The following RGL1 variants were observed in gnomAD, a reference collection of about 807,000 sequenced individuals.
RGL1 encodes the protein ral guanine nucleotide dissociation stimulator like 1, also known as ral guanine nucleotide dissociation stimulator-like 1.
In RGL1, 24 loss-of-function variants were observed where a neutral mutation model predicts 95.2. The observed-to-expected ratio is 0.25, with a 90% CI of 0.18 to 0.35. RGL1 has a LOEUF of 0.35. RGL1 is among the 10% of genes least tolerant of loss of function. RGL1 has a pLI of 1.00. For missense variants in RGL1, 715 were observed against 936.3 expected (o/e 0.76, Z 3.08); for synonymous variants, 329 against 344.9 (o/e 0.95, Z 0.51).
Position 183,865,996 on chromosome 1 carries a change from G to A in RGL1, c.348G>A (p.Arg116=), listed in dbSNP as rs201264157. ...TKEVLELLLD[R]YGNLTSPNCE... The stretch of plus-strand genomic sequence containing the variant: ...TGCTTGTTCATTATTATCTCTACAG[G>A]TATGGAAACCTGACAAGCCCAAACT... The change falls in exon 4 of 18, where the codon AGG becomes AGA. Residue 116 remains arginine, a splice_region_variant and synonymous_variant. Coordinates refer to ENST00000360851, the MANE Select transcript of RGL1 (RefSeq NM_001297671.3). 7.4e-5 allele frequency: 120 copies of A among 1,611,894 alleles called. No homozygotes were observed. The highest frequency in any genetic ancestry group is 9.3e-5 in the Non-Finnish European group (110 of 1,178,192).
At chr1:183,802,652 A>G (rs1369513441), upstream of RGL1, among the ~76,000 whole-genome samples, 1 of 151,426 alleles carries the variant, frequency 6.6e-6, no homozygotes, top group African/African-American at 2.4e-5. Flanking sequence ...AATTCAGTCA[A>G]TTGCAAAATA....
intron 7 of RGL1, among the ~76,000 whole-genome samples, chr1:183,887,093 C>T (rs1286233481): frequency 2.6e-5 from 4 of 151,398 alleles, no homozygotes; most frequent in Admixed American, 2.0e-4. Context: ...TTTGTTGAAC[C>T]ATGCTCCCAT....
chr1:183,830,684 GA>G (rs35154519), intron 2 of RGL1, among the ~76,000 whole-genome samples: 1 of 150,454 alleles, frequency 6.6e-6, no homozygotes, highest in African/African-American at 2.4e-5. Flanking sequence ...GAATTCTGGA[GA>G]AAAAAAAACC....
chr1:183,811,825 A>C (rs1191370811), intron 2 of RGL1, among the ~76,000 whole-genome samples: 1 of 152,256 alleles, frequency 6.6e-6, no homozygotes, highest in Non-Finnish European at 1.5e-5. Context: ...AATGGCATAA[A>C]TATAAGAGGC....
At chr1:183,694,663 T>A (rs1416424474) in intron 1 of RGL1, among the ~76,000 whole-genome samples, 1 of 152,232 alleles carries the variant, frequency 6.6e-6, no homozygotes, top group East Asian at 1.9e-4. Context: ...TACCATCTGA[T>A]TTATATGTTC....
chr1:183,840,960 C>T (rs1380339106), intron 2 of RGL1, among the ~76,000 whole-genome samples: 2 of 110,438 alleles, frequency 1.8e-5, no homozygotes, highest in Non-Finnish European at 3.8e-5. Context: ...TCTGACACCT[C>T]CTTTACACTG....
At chr1:183,669,673 T>A (rs1652305187) in intron 1 of RGL1, among the ~76,000 whole-genome samples, 1 of 152,194 alleles carries the variant, frequency 6.6e-6, no homozygotes, top group Non-Finnish European at 1.5e-5. Context: ...GAAGGGGAAG[T>A]GTATTAGTTC....
chr1:183,926,110 G>C lies in RGL1; in HGVS notation c.2125G>C (p.Val709Leu). The C allele has an allele frequency of 2.5e-6, 4 of 1,612,966 alleles. No individual in the cohort carries two copies. The highest frequency in any genetic ancestry group is 3.4e-6 in the Non-Finnish European group (4 of 1,179,420). ...VQVISEDKEL[V>L]IPDSANVFYA... ...TCTTTCCTTATCTTTTTCAGAACTTGTGATTCCAGACTCAGCAAATGTCTT... is the reference window on the plus strand; with the variant it reads ...TCTTTCCTTATCTTTTTCAGAACTTCTGATTCCAGACTCAGCAAATGTCTT... The change falls in exon 18 of 18, where the codon GTG becomes CTG. Residue 709 changes from valine to leucine, a missense_variant. Around this residue, in one of 3 missense-constraint regions of RGL1, gnomAD observed 330 missense variants for 429.6 expected, o/e 0.77. Coordinates refer to ENST00000360851, the MANE Select transcript of RGL1 (RefSeq NM_001297671.3).
chr1:183,887,034 T>C (rs2102655454), intron 7 of RGL1, among the ~76,000 whole-genome samples: 1 of 151,942 alleles, frequency 6.6e-6, no homozygotes, highest in Middle Eastern at 3.4e-3. Context: ...CCTGAGTTCC[T>C]TTTTTTATTG....
chr1:183,766,547 A>C (rs188070239), intron 2 of RGL1, among the ~76,000 whole-genome samples: 1 of 152,332 alleles, frequency 6.6e-6, no homozygotes, highest in Non-Finnish European at 1.5e-5. Flanking sequence ...CAAATTATTG[A>C]CTAAATTGAA....
intron 1 of RGL1, among the ~76,000 whole-genome samples, chr1:183,706,102 G>T (rs1244669190): frequency 2.0e-5 from 3 of 152,150 alleles, no homozygotes; most frequent in Non-Finnish European, 4.4e-5. Context: ...CCCCAGAGGG[G>T]TCTGGGTTGA....
At chr1:183,790,889 T>C (rs540928484) in intron 2 of RGL1, among the ~76,000 whole-genome samples, 6 of 150,578 alleles carry the variant, frequency 4.0e-5, no homozygotes, top group African/African-American at 1.5e-4. Context: ...TCCCACGATA[T>C]ATACACACAT....
At chr1:183,639,515 G>A (rs1329052763) in intron 1 of RGL1, among the ~76,000 whole-genome samples, 1 of 152,092 alleles carries the variant, frequency 6.6e-6, no homozygotes, top group Admixed American at 6.5e-5. Flanking sequence ...ACTATCTTAT[G>A]ATTTAATACT....
chr1:183,706,358 G>T (rs1464994427), intron 1 of RGL1, among the ~76,000 whole-genome samples: 4 of 152,202 alleles, frequency 2.6e-5, no homozygotes, highest in Non-Finnish European at 5.9e-5. Flanking sequence ...AGAGTAGGTT[G>T]CCCTGGTATT....
chr1:183,636,298 C>A (rs1649529827), exon 1 of RGL1: 2 of 397,058 alleles, frequency 5.0e-6, no homozygotes, highest in Non-Finnish European at 8.9e-6. Context: ...ACCCGGGCGC[C>A]CAGCATCGTT....
chr1:183,896,688 C>CTATATATGAATGGGGG (rs1667721192), intron 9 of RGL1, among the ~76,000 whole-genome samples: 1 of 152,170 alleles, frequency 6.6e-6, no homozygotes, highest in Admixed American at 6.5e-5. Context: ...ATTTACCCCC[C>CTATATATGAATGGGGG]CATTCATGCA....
At chr1:183,800,487 C>T (rs1243445711), upstream of RGL1, among the ~76,000 whole-genome samples, 3 of 152,120 alleles carry the variant, frequency 2.0e-5, no homozygotes, top group African/African-American at 7.2e-5. Flanking sequence ...CCAAATATGG[C>T]AACACAAAAC....
chr1:183,691,439 A>T (rs1487890909), intron 1 of RGL1, among the ~76,000 whole-genome samples: 2 of 152,254 alleles, frequency 1.3e-5, no homozygotes, highest in African/African-American at 4.8e-5. Flanking sequence ...AAAGAGATCT[A>T]TGAAAAAATA....
chr1:183,723,972 C>G (rs552354805), intron 1 of RGL1, among the ~76,000 whole-genome samples: 3 of 152,210 alleles, frequency 2.0e-5, no homozygotes, highest in African/African-American at 7.2e-5. Flanking sequence ...CCAGCTCAGT[C>G]ACAGTAGGAT....
Sources: allele counts gnomAD v4.1 joint callset (sites outside exome capture counted in the v4.1 genomes callset), GRCh38; gene constraint gnomAD v4.1.1; regional missense constraint gnomAD v4.1.1; transcripts MANE v1.5; gene names NCBI Gene and HGNC (gene_info 2026-07-23, HGNC 2026-07-21).